TTLL7: variants seen among roughly 807,000 people sequenced by gnomAD.
The protein encoded by TTLL7 is tubulin polyglutamylase TTLL7.
TTLL7 carries 53 observed loss-of-function variants against 120.2 expected under a neutral mutation model. The ratio of observed to expected loss-of-function variants is 0.44; its 90% CI spans 0.35 to 0.55. The LOEUF (loss-of-function observed/expected upper bound fraction) is 0.55, where lower values mean the gene tolerates loss of function less well. Among genes scored for constraint, TTLL7 ranks in the 20% least tolerant of loss-of-function variants. The pLI, the probability that TTLL7 is intolerant of heterozygous loss-of-function variation, is 0.00. For missense variants in TTLL7, 803 were observed against 1,054.7 expected, an observed-to-expected ratio of 0.76 and a Z score of 3.31; for synonymous variants, 353 against 351.7, an observed-to-expected ratio of 1.00 and a Z score of -0.04.
chr1:83,924,895 T>C (rs1278112653), intron 10 of TTLL7, among the ~76,000 whole-genome samples: 2 of 151,968 alleles, frequency 1.3e-5, no homozygotes, highest in African/African-American at 2.4e-5. Flanking sequence ...GAACAAGAAA[T>C]GATGAGGTTG....
chr1:83,918,287 C>T (rs571475880), intron 13 of TTLL7, among the ~76,000 whole-genome samples: 132 of 152,248 alleles, frequency 8.7e-4, no homozygotes, highest in South Asian at 6.8e-3. Flanking sequence ...TAACACCTTT[C>T]CTGCGTTCTA....
chr1:83,985,474 T>A (rs916507301), intron 1 of TTLL7, among the ~76,000 whole-genome samples: 1 of 152,186 alleles, frequency 6.6e-6, no homozygotes, highest in African/African-American at 2.4e-5. Context: ...CCTCTGGCAG[T>A]ACCCTCACAG....
At chr1:83,937,200 C>T (rs1001317728) in intron 8 of TTLL7, among the ~76,000 whole-genome samples, 13 of 134,156 alleles carry the variant, frequency 9.7e-5, no homozygotes, top group African/African-American at 2.2e-4. Flanking sequence ...CTATTCAGTA[C>T]GGTAATTTTT....
intron 10 of TTLL7, among the ~76,000 whole-genome samples, chr1:83,921,698 G>T (rs1658687551): frequency 6.6e-6 from 1 of 152,038 alleles, no homozygotes; most frequent in Non-Finnish European, 1.5e-5. Flanking sequence ...TCTTGGGCTG[G>T]TCAATTAACT....
At chr1:83,935,753 A>G (rs1433234674) in intron 8 of TTLL7, among the ~76,000 whole-genome samples, 1 of 152,168 alleles carries the variant, frequency 6.6e-6, no homozygotes, top group Non-Finnish European at 1.5e-5. Context: ...AAACTAAGAC[A>G]TCAAGATAAA....
At chr1:83,877,397 T>C (rs777242907) in intron 20 of TTLL7, among the ~76,000 whole-genome samples, 12 of 152,038 alleles carry the variant, frequency 7.9e-5, no homozygotes, top group South Asian at 2.1e-4. Flanking sequence ...CTAGAACAAG[T>C]TGAAGAGTGT....
intron 18 of TTLL7, among the ~76,000 whole-genome samples, chr1:83,897,806 A>C (rs886225386): frequency 6.7e-6 from 1 of 150,242 alleles, no homozygotes. Context: ...TGTAGCCCTA[A>C]GGCTCTTCCT....
At chr1:83,929,764 G>A (rs1659437283) in intron 9 of TTLL7, among the ~76,000 whole-genome samples, 1 of 152,088 alleles carries the variant, frequency 6.6e-6, no homozygotes, top group Admixed American at 6.6e-5. Context: ...TCTTTGTTGA[G>A]TCTTGTTACT....
At chr1:83,917,159 T>C (rs540949821) in intron 14 of TTLL7, among the ~76,000 whole-genome samples, 1 of 152,068 alleles carries the variant, frequency 6.6e-6, no homozygotes, top group East Asian at 1.9e-4. Context: ...TTTCTACTTA[T>C]TTCTAGGAAT....
intron 1 of TTLL7, among the ~76,000 whole-genome samples, chr1:83,990,278 C>A (rs561912098): frequency 4.8e-4 from 73 of 151,920 alleles, no homozygotes; most frequent in African/African-American, 1.6e-3. Flanking sequence ...TGGGTTCACG[C>A]CATTCTCCTG....
chr1:83,936,017 A>C (rs2100828885), intron 8 of TTLL7, among the ~76,000 whole-genome samples: 1 of 152,334 alleles, frequency 6.6e-6, no homozygotes, highest in East Asian at 1.9e-4. Flanking sequence ...GCCAAGAATG[A>C]TGCAAAATTT....
intron 20 of TTLL7, among the ~76,000 whole-genome samples, chr1:83,872,640 T>G (rs1173623187): frequency 6.6e-6 from 1 of 152,230 alleles, no homozygotes; most frequent in East Asian, 1.9e-4. Flanking sequence ...CTATTGACAT[T>G]TCAGTAACAT....
At chr1:83,917,142 T>C (rs893697497) in intron 14 of TTLL7, among the ~76,000 whole-genome samples, 8 of 151,056 alleles carry the variant, frequency 5.3e-5, no homozygotes, top group African/African-American at 1.7e-4. Context: ...GTCATCTACA[T>C]GACAGCTTTC....
chr1:83,914,323 C>CTTTT (rs1171299360), intron 14 of TTLL7, among the ~76,000 whole-genome samples: 1,723 of 78,414 alleles, frequency 0.022, 25 homozygotes, highest in Middle Eastern at 0.03. Flanking sequence ...CTCTCTCTCT[C>CTTTT]TTTTTTTTTT....
In TTLL7 at chr1:83,870,057, A is replaced by C; in HGVS notation, c.2569T>G (p.Phe857Val). The change falls in exon 21 of 21, where the codon TTC becomes GTC. Residue 857 changes from phenylalanine (F) to valine (V), a missense_variant. By Grantham distance (50) the Phe-to-Val change is conservative. This residue lies in a region of TTLL7 where 388 missense variants were observed against 450.4 expected (regional missense o/e 0.86). Transcript: ENST00000260505. ...SRYLLPGSTQ[F>V]FLRTPTYNLK... ...TTGTAGGTTGGTGTTCTCAAGAAGA[A>C]TTGGGTGCTCCCTGGTAGTAAATAC... 1.3e-6 allele frequency: 2 copies of C among 1,576,668 alleles called. No homozygotes were observed. Among genetic ancestry groups the C allele is most frequent in the Non-Finnish European group, 1.7e-6 (2 of 1,167,346 alleles).
intron 1 of TTLL7, among the ~76,000 whole-genome samples, chr1:83,985,029 A>G (rs929980125): frequency 6.6e-6 from 1 of 152,268 alleles, no homozygotes; most frequent in Non-Finnish European, 1.5e-5. Flanking sequence ...CCAGAGGAAC[A>G]GAACTAGTAG....
intron 18 of TTLL7, among the ~76,000 whole-genome samples, chr1:83,892,369 C>T (rs61766868): frequency 1.9e-5 from 2 of 103,226 alleles, no homozygotes; most frequent in Non-Finnish European, 3.9e-5. Flanking sequence ...AATATATATA[C>T]GAATATATAT....
Position 83,866,438 on chromosome 1 carries a change from G to A in TTLL7, c.*3524C>T, listed in dbSNP as rs545728049. The A allele has an allele frequency of 5.4e-4, 82 of 151,904 alleles. No homozygotes were observed. The highest frequency in any genetic ancestry group is 1.9e-3 in the African/African-American group (78 of 41,540). 9.4% of individuals were successfully genotyped at this position (151,904 alleles called of 1,614,324 possible). A position where few individuals can be genotyped will look rare whatever the true frequency, so the allele number is the denominator to read the frequency against. ...TACAAATTAAAAAGACAGTTAAAAT[G>A]AAATCTTTTTATTGATGTCTAGAAG... On this transcript the variant is annotated 3_prime_UTR_variant, in exon 21 of 21. Coordinates refer to ENST00000260505, the MANE Select transcript of TTLL7 (RefSeq NM_024686.6).
At chr1:83,982,456 AAAAT>A (rs1453402670) in intron 1 of TTLL7, among the ~76,000 whole-genome samples, 1 of 152,162 alleles carries the variant, frequency 6.6e-6, no homozygotes, top group African/African-American at 2.4e-5. Flanking sequence ...AACAACAGTG[AAAAT>A]AAATGAAACA....
Sources: gnomAD v4.1 joint callset for allele counts (sites outside exome capture counted in the v4.1 genomes callset) on GRCh38, gnomAD v4.1.1 for gene constraint, gnomAD v4.1.1 regional missense constraint, MANE v1.5 for transcripts, NCBI Gene and HGNC (gene_info 2026-07-23, HGNC 2026-07-21) for gene names.